The following ITGA1 variants were observed in gnomAD, a reference collection of about 807,000 sequenced individuals.
The protein encoded by ITGA1 is integrin alpha-1.
A neutral mutation model predicts 145.9 loss-of-function variants in ITGA1; 85 were observed. That is an observed-to-expected ratio of 0.58 (90% confidence interval 0.49 to 0.70). The LOEUF is 0.70. Among genes scored for constraint, ITGA1 ranks in the 30% least tolerant of loss-of-function variants. ITGA1 has a pLI of 0.00. For synonymous variants in ITGA1, 520 were observed against 495.3 expected (o/e 1.05, Z -0.66); for missense variants, 1,351 against 1,418.7 (o/e 0.95, Z 0.77).
intron 1 of ITGA1, among the ~76,000 whole-genome samples, chr5:52,848,130 C>G (rs1273225011): frequency 6.6e-6 from 1 of 152,200 alleles, no homozygotes; most frequent in Non-Finnish European, 1.5e-5. Flanking sequence ...GTGAATTTAT[C>G]AACACCAACA....
chr5:52,916,725 C>A (rs1484953675), intron 15 of ITGA1, among the ~76,000 whole-genome samples: 2 of 152,198 alleles, frequency 1.3e-5, no homozygotes, highest in Non-Finnish European at 2.9e-5. Flanking sequence ...AGCCAAGGCT[C>A]AAAACCAGAA....
chr5:52,830,315 G>C (rs938081398), intron 1 of ITGA1, among the ~76,000 whole-genome samples: 1 of 152,152 alleles, frequency 6.6e-6, no homozygotes, highest in South Asian at 2.1e-4. Flanking sequence ...AGAAACAGAT[G>C]ATGAGGCTTT....
In ITGA1 at chr5:52,893,683, C is replaced by T. The variant is rs1184238794; in HGVS notation, c.933C>T (p.Gly311=). The change falls in exon 9 of 29, where the codon GGC becomes GGT. Residue 311 remains glycine (G), a synonymous_variant. Coordinates refer to ENST00000282588, the MANE Select transcript of ITGA1 (RefSeq NM_181501.2). ...NIQRFSIAIL[G]SYNRGNLSTE... is the part of the protein sequence containing the mutation. Reference sequence around the variant, plus strand: ...TTTCTGTTGTGTCTTAGATTCTTGGCAGCTATAACCGAGGAAATTTAAGCA... The same window carrying T: ...TTTCTGTTGTGTCTTAGATTCTTGGTAGCTATAACCGAGGAAATTTAAGCA... 1 of 1,609,872 alleles carries T rather than the reference C, an allele frequency of 6.2e-7. No individual in the cohort carries two copies. The highest frequency in any genetic ancestry group is 8.5e-7 in the Non-Finnish European group (1 of 1,177,918).
intron 20 of ITGA1, 91 bp from the exon 21 acceptor site, chr5:52,929,534 T>C (rs1387649937): frequency 1.0e-5 from 7 of 678,856 alleles, no homozygotes. Flanking sequence ...ACTTCATAAT[T>C]TGAGTTTAGG....
chr5:52,887,126 G>T (rs1295988264), intron 7 of ITGA1, among the ~76,000 whole-genome samples: 1 of 152,098 alleles, frequency 6.6e-6, no homozygotes, highest in Non-Finnish European at 1.5e-5. Context: ...AGCAGCCTGT[G>T]TGCTAACACA....
chr5:52,788,393 G>A lies in ITGA1; in HGVS notation c.40G>A (p.Ala14Thr). The part of the protein sequence containing the change: ...RPRARPGVAV[A>T]CCWLLTVVLR... Reference sequence around the variant, plus strand: ...CCGCGCCCGCCCAGGGGTCGCTGTCGCCTGCTGCTGGCTCCTCACTGGTGA... The same window carrying A: ...CCGCGCCCGCCCAGGGGTCGCTGTCACCTGCTGCTGGCTCCTCACTGGTGA... The change falls in exon 1 of 29, where the codon GCC (alanine) becomes ACC (threonine). Residue 14 changes from alanine (A) to threonine (T), a missense_variant. Transcript: ENST00000282588. 6.6e-7 allele frequency: 1 copy of A among 1,512,536 alleles called. No individual in the cohort carries two copies. The highest frequency in any genetic ancestry group is 8.8e-7 in the Non-Finnish European group (1 of 1,133,482). The allele number at this position is 1,512,536 out of a possible 1,614,324, so 93.7% of individuals were successfully genotyped here.
chr5:52,826,402 G>T (rs1446282282), intron 1 of ITGA1, among the ~76,000 whole-genome samples: 1 of 152,242 alleles, frequency 6.6e-6, no homozygotes, highest in Non-Finnish European at 1.5e-5. Flanking sequence ...ACATAAAAGT[G>T]CAAGGTGAAG....
chr5:52,927,550 G>T (rs775139990), intron 19 of ITGA1, 34 bp from the exon 20 acceptor site: 12 of 1,445,296 alleles, frequency 8.3e-6, no homozygotes, highest in Middle Eastern at 1.8e-4. Flanking sequence ...TCACCTGCTT[G>T]TCCACTCTGA....
At chr5:52,942,214 G>T (rs1751063928) in intron 26 of ITGA1, among the ~76,000 whole-genome samples, 1 of 152,124 alleles carries the variant, frequency 6.6e-6, no homozygotes, top group African/African-American at 2.4e-5. Flanking sequence ...AGTGTGATGG[G>T]TCTGGCTTTG....
At chr5:52,900,626 A>G (rs1272933827) in intron 11 of ITGA1, among the ~76,000 whole-genome samples, 2 of 152,230 alleles carry the variant, frequency 1.3e-5, no homozygotes, top group Admixed American at 6.5e-5. Flanking sequence ...CTATGATACT[A>G]AAGACTTGAA....
intron 6 of ITGA1, among the ~76,000 whole-genome samples, chr5:52,869,430 G>C (rs978226578): frequency 6.6e-6 from 1 of 152,166 alleles, no homozygotes; most frequent in Admixed American, 6.5e-5. Context: ...CAAGGTGCTG[G>C]GATTACAGGC....
At chr5:52,814,387 C>T (rs1391985) in intron 1 of ITGA1, among the ~76,000 whole-genome samples, 20,363 of 151,986 alleles carry the variant, frequency 0.13, 1,888 homozygotes, top group African/African-American at 0.26. Context: ...ATCTGCCTAC[C>T]CCAGGCTCCC....
chr5:52,863,800 G>A (rs1368168504), intron 3 of ITGA1, among the ~76,000 whole-genome samples: 4 of 152,004 alleles, frequency 2.6e-5, no homozygotes, highest in Admixed American at 2.6e-4. Flanking sequence ...GCTTTTTCTG[G>A]GTCAAGCTTT....
At chr5:52,924,168 A>T (rs548215695) in intron 18 of ITGA1, among the ~76,000 whole-genome samples, 1 of 151,986 alleles carries the variant, frequency 6.6e-6, no homozygotes, top group South Asian at 2.1e-4. Context: ...TTCCTACCAG[A>T]TATATTGATT....
chr5:52,808,109 T>C (rs1214683687), intron 1 of ITGA1, among the ~76,000 whole-genome samples: 1 of 152,202 alleles, frequency 6.6e-6, no homozygotes, highest in African/African-American at 2.4e-5. Context: ...ATAGAGTATT[T>C]CACTGGGACT....
At position 52,932,095 on chromosome 5, in the gene ITGA1, T is replaced by C; in HGVS notation, c.2820T>C (p.Ile940=). 1 of 1,611,050 alleles carries C rather than the reference T, an allele frequency of 6.2e-7. No individual in the cohort carries two copies. The highest frequency in any genetic ancestry group is 8.5e-7 in the Non-Finnish European group (1 of 1,177,548). The change falls in exon 22 of 29, where the codon ATT becomes ATC. Residue 940 remains isoleucine, a synonymous_variant. Transcript: ENST00000282588. ...CCCTTTCTGATAATGTAGTAAACAT[T>C]TCTATCCCGGTAAAATATGAAGTTG... ...PETLSDNVVN[I]SIPVKYEVGL...
chr5:52,918,859 G>T lies in ITGA1; in HGVS notation c.2116G>T (p.Val706Leu). 6.2e-7 allele frequency: 1 copy of T among 1,605,426 alleles called. No homozygotes were observed. The highest frequency in any genetic ancestry group is 8.5e-7 in the Non-Finnish European group (1 of 1,177,322). The change falls in exon 16 of 29, where the codon GTG becomes TTG. Residue 706 changes from valine (V) to leucine (L), a missense_variant. Coordinates refer to ENST00000282588, the MANE Select transcript of ITGA1 (RefSeq NM_181501.2). ...CATAAATGCTACAGTGTGTTTTGAT[G>T]TGAAATTAAAGTCTAAAGAAGACAC... The part of the protein sequence containing the change: ...VCINATVCFD[V>L]KLKSKEDTIY...
intron 21 of ITGA1, among the ~76,000 whole-genome samples, chr5:52,930,127 T>C (rs1318329923): frequency 6.6e-6 from 1 of 152,180 alleles, no homozygotes; most frequent in East Asian, 1.9e-4. Flanking sequence ...CAGTCAGTAC[T>C]TCTGAAAGGT....
Position 52,953,650 on chromosome 5 carries a change from A to C in ITGA1, c.*1199A>C, listed in dbSNP as rs1051763286. On this transcript the variant is annotated 3_prime_UTR_variant, in exon 29 of 29. Transcript: ENST00000282588. ...TTTGAAAACTCAAACCAACAGGAAG[A>C]TATCACACCTTTGTATGTGCTTCTT... 3 of 152,352 alleles carry C rather than the reference A, an allele frequency of 2.0e-5. No homozygotes were observed. The South Asian group carries it at 6.2e-4, about 32-fold the overall frequency. 9.4% of individuals were successfully genotyped at this position (152,352 alleles called of 1,614,324 possible).
Sources: allele counts gnomAD v4.1 joint callset (sites outside exome capture counted in the v4.1 genomes callset), GRCh38; gene constraint gnomAD v4.1.1; transcripts MANE v1.5; gene names NCBI Gene and HGNC (gene_info 2026-07-23, HGNC 2026-07-21).